Variants in SLC22A8 observed in about 807,000 individuals in gnomAD.
SLC22A8 encodes organic anion transporter 3.
A neutral mutation model predicts 48.4 loss-of-function variants in SLC22A8; 40 were observed. The ratio of observed to expected loss-of-function variants is 0.83; its 90% CI spans 0.64 to 1.08. SLC22A8 has a LOEUF of 1.08. Ranked by LOEUF, SLC22A8 falls within the 50% of genes least tolerant of loss-of-function variation. The pLI, the probability that SLC22A8 is intolerant of heterozygous loss-of-function variation, is 0.00. For synonymous variants in SLC22A8, 268 were observed against 286.3 expected, an observed-to-expected ratio of 0.94 and a Z score of 0.65; for missense variants, 606 against 699.0, an observed-to-expected ratio of 0.87 and a Z score of 1.50.
rs765415190 is a variant in SLC22A8 at position 63,014,853 on chromosome 11, G to T, written c.106C>A (p.Leu36Met). The change falls in exon 2 of 11, where the codon CTG becomes ATG. Residue 36 changes from leucine (L) to methionine (M), a missense_variant. Physicochemically the swap from Leu to Met is conservative, Grantham distance 15. Transcript: ENST00000336232. The stretch of plus-strand genomic sequence containing the variant: ...GTGGCGGCTGTGAAGATCTGCAGCA[G>T]GTTGTGGTTGGCCATGTTGAGGATC... ...LPILNMANHNLLQIFTAATPV... is the reference protein window; with the variant it reads ...LPILNMANHNMLQIFTAATPV... 4.7e-5 allele frequency: 76 copies of T among 1,611,984 alleles called. No homozygotes were observed. The highest frequency in any genetic ancestry group is 6.1e-5 in the Non-Finnish European group (72 of 1,178,504).
In SLC22A8 at chr11:62,999,798, G is replaced by T; in HGVS notation, c.482C>A (p.Ala161Glu). 6.2e-7 allele frequency: 1 copy of T among 1,603,946 alleles called. No homozygotes were observed. The highest frequency in any genetic ancestry group is 1.1e-5 in the South Asian group (1 of 89,554). ...PILTCSYLLLAASGSGAAFSP... is the reference protein window; with the variant it reads ...PILTCSYLLLEASGSGAAFSP... ...GAAGGCTGCACCGGAGCCGCTGGCT[G>T]CCAGCAGCAGGTAGCTGCAGGTCAG... The change falls in exon 4 of 11, where the codon GCA (alanine) becomes GAA (glutamate). Residue 161 changes from alanine (A) to glutamate (E), a missense_variant. Transcript: ENST00000336232.
chr11:62,999,110 C>G, intron 4 of SLC22A8, 21 bp from the exon 5 acceptor site: 1 of 1,603,988 alleles, frequency 6.2e-7, no homozygotes, highest in Non-Finnish European at 8.5e-7. Context: ...AGTCCAAGCA[C>G]CAGATTAGTG....
intron 2 of SLC22A8, among the ~76,000 whole-genome samples, chr11:63,010,529 C>A (rs2086606915): frequency 6.6e-6 from 1 of 152,186 alleles, no homozygotes; most frequent in African/African-American, 2.4e-5. Context: ...TATGGCTGAA[C>A]CACAAACAGA....
At chr11:63,010,441 C>T (rs904916543) in intron 2 of SLC22A8, among the ~76,000 whole-genome samples, 2 of 152,220 alleles carry the variant, frequency 1.3e-5, no homozygotes, top group African/African-American at 4.8e-5. Context: ...AGACCTACTT[C>T]TAGGTAAGGT....
intron 6 of SLC22A8, 73 bp downstream of exon 6, chr11:62,995,956 A>G: frequency 2.5e-6 from 4 of 1,603,296 alleles, no homozygotes; most frequent in African/African-American, 1.3e-5. Flanking sequence ...AGGGGAACAG[A>G]GGCAAGGGGA....
In SLC22A8 at chr11:63,010,306, T is replaced by C. The variant is rs147274317; in HGVS notation, c.333+4320A>G. 1.3e-3 allele frequency among the ~76,000 whole-genome samples: 205 copies of C among 152,314 alleles called. 1 individual carries two copies. The highest frequency in any genetic ancestry group is 6.8e-3 in the Middle Eastern group (2 of 294). ...TCACGATCCCACACTGTTTGCGAGA[T>C]GGCCCCTTGCTTCTACTAACAGGTG... is the stretch of plus-strand genomic sequence containing the variant. On this transcript the variant is annotated intron_variant, in intron 2 of 10. Transcript: ENST00000336232.
At chr11:63,001,568 G>A (rs1003199263) in intron 2 of SLC22A8, among the ~76,000 whole-genome samples, 6 of 152,196 alleles carry the variant, frequency 3.9e-5, no homozygotes, top group African/African-American at 7.2e-5. Flanking sequence ...CTCGCCCTCC[G>A]TCAGGCTTCC....
chr11:63,000,689 T>G, intron 3 of SLC22A8, 31 bp downstream of exon 3: 1 of 1,472,900 alleles, frequency 6.8e-7, no homozygotes, highest in Non-Finnish European at 9.5e-7. Context: ...CCATGGGTCA[T>G]GCTTCCATGG....
At chr11:63,006,594 A>AGTTTTTTTTTT (rs2086557086) in intron 2 of SLC22A8, among the ~76,000 whole-genome samples, 1 of 42,836 alleles carries the variant, frequency 2.3e-5, no homozygotes, top group Non-Finnish European at 4.6e-5. Context: ...GTCTCATTTG[A>AGTTTTTTTTTT]GTTTTTTTTT....
intron 2 of SLC22A8, among the ~76,000 whole-genome samples, chr11:63,005,858 G>A (rs1054458640): frequency 6.6e-6 from 1 of 152,148 alleles, no homozygotes; most frequent in Non-Finnish European, 1.5e-5. Context: ...CTGTTGTTCT[G>A]AGCCACCCAA....
At chr11:63,004,478 G>T (rs970094949) in intron 2 of SLC22A8, among the ~76,000 whole-genome samples, 1 of 152,082 alleles carries the variant, frequency 6.6e-6, no homozygotes, top group South Asian at 2.1e-4. Flanking sequence ...GGTGTATGTT[G>T]TTCTCTTTTT....
chr11:63,010,979 CA>C (rs1397812208), intron 2 of SLC22A8, among the ~76,000 whole-genome samples: 1 of 152,048 alleles, frequency 6.6e-6, no homozygotes, highest in Non-Finnish European at 1.5e-5. Flanking sequence ...GTCCTTCATT[CA>C]GTGTTGATTG....
At chr11:62,997,768 C>T (rs2086440410) in intron 5 of SLC22A8, among the ~76,000 whole-genome samples, 1 of 152,196 alleles carries the variant, frequency 6.6e-6, no homozygotes, top group Non-Finnish European at 1.5e-5. Context: ...CTCTGAGCCT[C>T]AGTTTCCTCA....
rs1259601835 is a variant in SLC22A8 at position 62,996,118 on chromosome 11, A to G, written c.796T>C (p.Ser266Pro). ...TTCAGGGCCTTCGAGGACTTTCCAG[A>G]CAAGACCAACCAGCGTATGGACTCT... ...TPESIRWLVL[S>P]GKSSKALKIL... The change falls in exon 6 of 11, where the codon TCT (serine) becomes CCT (proline). Residue 266 changes from serine (S) to proline (P), a missense_variant. Ser to Pro is a moderately conservative substitution (Grantham distance 74, BLOSUM62 -1). Coordinates refer to ENST00000336232, the MANE Select transcript of SLC22A8 (RefSeq NM_004254.4). 6.2e-7 allele frequency: 1 copy of G among 1,612,872 alleles called. No homozygotes were observed. The highest frequency in any genetic ancestry group is 8.5e-7 in the Non-Finnish European group (1 of 1,179,496).
At position 63,007,215 on chromosome 11, in the gene SLC22A8, T is replaced by C. The variant is rs538756601; in HGVS notation, c.334-6392A>G. ...AGAGGGAAGAAAGGCAACTTGTTGG[T>C]TGAACAGAGCCAGTTACTCAACCTC... On this transcript the variant is annotated intron_variant, in intron 2 of 10. Coordinates refer to ENST00000336232, the MANE Select transcript of SLC22A8 (RefSeq NM_004254.4). Among the ~76,000 whole-genome samples the C allele has an allele frequency of 2.0e-5, 3 of 152,322 alleles. No individual in the cohort carries two copies. In the South Asian group the frequency reaches 6.2e-4, roughly 32 times the overall value.
chr11:63,000,680 C>A, intron 3 of SLC22A8, 40 bp downstream of exon 3: 1 of 1,428,590 alleles, frequency 7.0e-7, no homozygotes, highest in Admixed American at 1.7e-5. Flanking sequence ...GGGTTGTCCC[C>A]ATGGGTCATG....
intron 2 of SLC22A8, among the ~76,000 whole-genome samples, chr11:63,011,086 C>T (rs891307297): frequency 1.3e-5 from 2 of 152,180 alleles, no homozygotes; most frequent in African/African-American, 2.4e-5. Flanking sequence ...GAAGGAGGAT[C>T]TGTGATGTCC....
chr11:63,015,093 G>A, intron 1 of SLC22A8, 110 bp from the exon 2 acceptor site: 1 of 652,622 alleles, frequency 1.5e-6, no homozygotes, highest in South Asian at 2.3e-5. Context: ...GCACAGGTGT[G>A]TGGAGCAGAG....
chr11:63,014,624 A>G lies in SLC22A8; in HGVS notation c.333+2T>C, dbSNP rs1250528984. 2 of 1,581,068 alleles carry G rather than the reference A, an allele frequency of 1.3e-6. No individual in the cohort carries two copies. The highest frequency in any genetic ancestry group is 1.7e-6 in the Non-Finnish European group (2 of 1,157,032). ...GGAGGGAGAGGGTTTGCCCAGGCAT[A>G]CCTCTGTCACAATGGAGTCCTTGGT... is the stretch of plus-strand genomic sequence containing the variant. On this transcript the variant is annotated splice_donor_variant, in intron 2 of 10. Coordinates refer to ENST00000336232, the MANE Select transcript of SLC22A8 (RefSeq NM_004254.4). LOFTEE classifies it high-confidence loss of function.
Sources: gnomAD v4.1 joint callset for allele counts (sites outside exome capture counted in the v4.1 genomes callset) on GRCh38, gnomAD v4.1.1 for gene constraint, MANE v1.5 for transcripts, NCBI Gene and HGNC (gene_info 2026-07-23, HGNC 2026-07-21) for gene names.